Variants in DLGAP2 observed in about 807,000 individuals in gnomAD.
The protein encoded by DLGAP2 is DLG associated protein 2.
A neutral mutation model predicts 100.3 loss-of-function variants in DLGAP2; 26 were observed. The ratio of observed to expected loss-of-function variants is 0.26; its 90% CI spans 0.19 to 0.36. The LOEUF is 0.36. Among genes scored for constraint, DLGAP2 ranks in the 10% least tolerant of loss-of-function variants. The pLI is 1.00. For missense variants in DLGAP2, 1,858 were observed against 1,453.2 expected (o/e 1.28, Z -4.53); for synonymous variants, 886 against 630.1 (o/e 1.41, Z -6.08).
intron 2 of DLGAP2, among the ~76,000 whole-genome samples, chr8:1,240,035 G>A (rs1798750646): frequency 6.6e-6 from 1 of 151,290 alleles, no homozygotes; most frequent in Non-Finnish European, 1.5e-5. Flanking sequence ...ATGGCGCCGT[G>A]TCTAGTTCTC....
chr8:884,007 A>G (rs997287083), intron 1 of DLGAP2, among the ~76,000 whole-genome samples: 4 of 152,194 alleles, frequency 2.6e-5, no homozygotes, highest in Non-Finnish European at 5.9e-5. Flanking sequence ...TCCATGGTGT[A>G]TATGTACCAC....
At chr8:1,139,140 C>G (rs1284117788) in intron 2 of DLGAP2, among the ~76,000 whole-genome samples, 1 of 152,170 alleles carries the variant, frequency 6.6e-6, no homozygotes, top group African/African-American at 2.4e-5. Context: ...CCGCTGCGGC[C>G]TGGCTGGGGG....
chr8:1,276,120 A>G (rs1447251279), intron 3 of DLGAP2, among the ~76,000 whole-genome samples: 1 of 143,528 alleles, frequency 7.0e-6, no homozygotes, highest in Non-Finnish European at 1.5e-5. Flanking sequence ...TATATAATAT[A>G]TATAAATGTA....
intron 3 of DLGAP2, among the ~76,000 whole-genome samples, chr8:1,267,607 A>T (rs148454480): frequency 4.7e-5 from 5 of 106,648 alleles, no homozygotes; most frequent in South Asian, 2.7e-4. Context: ...ATAAGATAAG[A>T]TAAGATAAGA....
At chr8:1,539,911 C>A (rs1209354108) in intron 4 of DLGAP2, among the ~76,000 whole-genome samples, 1 of 152,214 alleles carries the variant, frequency 6.6e-6, no homozygotes, top group Non-Finnish European at 1.5e-5. Flanking sequence ...TCCTCAACAG[C>A]CAGGGAGACC....
intron 3 of DLGAP2, among the ~76,000 whole-genome samples, chr8:1,265,731 A>G (rs981644597): frequency 3.3e-5 from 5 of 152,188 alleles, no homozygotes; most frequent in African/African-American, 1.2e-4. Flanking sequence ...GATTTTCAGG[A>G]GAGTTTTCGT....
intron 2 of DLGAP2, among the ~76,000 whole-genome samples, chr8:1,206,865 C>T (rs1439058135): frequency 1.3e-5 from 2 of 152,174 alleles, no homozygotes; most frequent in Non-Finnish European, 1.5e-5. Context: ...CTATGTCAGC[C>T]TTCTCACGAT....
chr8:1,347,686 T>A (rs1801597826), intron 3 of DLGAP2, among the ~76,000 whole-genome samples: 2 of 150,302 alleles, frequency 1.3e-5, no homozygotes, highest in South Asian at 4.2e-4. Context: ...ATGGTAACTG[T>A]CTGGAGGCTG....
rs1181472200 is a variant in DLGAP2, at chr8:1,548,849, C to A, written c.396C>A (p.Arg132=). The change falls in exon 5 of 15, where the codon CGC becomes CGA. Residue 132 remains arginine (R), a synonymous_variant. Transcript: ENST00000637795. ...CCGCCGACAGCTGCCCCGGGGGGCG[C>A]CACCGCTGCTCGCCGCGCAGCTCGG... ...LSPADSCPGG[R]HRCSPRSSVH... is the part of the protein sequence containing the mutation. The A allele has an allele frequency of 1.3e-6, 2 of 1,581,200 alleles. No individual in the cohort carries two copies. The highest frequency in any genetic ancestry group is 1.3e-5 in the African/African-American group (1 of 74,566).
At chr8:1,497,197 T>C (rs1296070122) in intron 3 of DLGAP2, among the ~76,000 whole-genome samples, 1 of 152,216 alleles carries the variant, frequency 6.6e-6, no homozygotes. Context: ...GAATGGATGA[T>C]TCCCAAGACT....
chr8:1,278,991 C>A (rs541128957), intron 3 of DLGAP2, among the ~76,000 whole-genome samples: 2 of 152,206 alleles, frequency 1.3e-5, no homozygotes, highest in Admixed American at 1.3e-4. Context: ...GGATAAAGAA[C>A]ATATAGAAAA....
At chr8:1,528,543 C>A (rs908693706) in intron 4 of DLGAP2, among the ~76,000 whole-genome samples, 1 of 152,214 alleles carries the variant, frequency 6.6e-6, no homozygotes, top group African/African-American at 2.4e-5. Context: ...AGGGCCCACC[C>A]GGGGGCTGGC....
At chr8:962,826 AC>A in intron 2 of DLGAP2, among the ~76,000 whole-genome samples, 1 of 152,224 alleles carries the variant, frequency 6.6e-6, no homozygotes, top group East Asian at 1.9e-4. Context: ...CCCTCAGGTG[AC>A]AAGAGCCTTG....
chr8:1,581,491 A>G (rs1803255875), intron 6 of DLGAP2, among the ~76,000 whole-genome samples: 1 of 150,870 alleles, frequency 6.6e-6, no homozygotes, highest in Non-Finnish European at 1.5e-5. Context: ...CACCACAGTC[A>G]AACTACCAGA....
In DLGAP2 at chr8:883,615, C is replaced by G. The variant is rs139107761; in HGVS notation, c.19-24297C>G. 1.7e-3 allele frequency among the ~76,000 whole-genome samples: 256 copies of G among 146,738 alleles called. 1 individual carries two copies. The highest frequency in any genetic ancestry group is 4.9e-3 in the African/African-American group (182 of 37,296). On this transcript the variant is annotated intron_variant, in intron 1 of 14. Coordinates refer to ENST00000637795, the MANE Select transcript of DLGAP2 (RefSeq NM_001346810.2). ...TCGTTACATAGGAACGCGTGTGCCG[C>G]GGCGGTTCGTTACGTAGGAGCGCGG...
intron 3 of DLGAP2, among the ~76,000 whole-genome samples, chr8:1,345,342 C>T (rs1439372720): frequency 3.3e-5 from 5 of 150,542 alleles, no homozygotes; most frequent in Admixed American, 2.7e-4. Flanking sequence ...TCGCCAAACA[C>T]ACTTGTTAGA....
intron 2 of DLGAP2, among the ~76,000 whole-genome samples, chr8:1,107,052 C>T (rs771107850): frequency 6.6e-6 from 1 of 152,140 alleles, no homozygotes; most frequent in Admixed American, 6.5e-5. Context: ...AGTGTACTGA[C>T]AATGCATTTC....
At chr8:1,605,323 T>G (rs1796761218) in intron 6 of DLGAP2, among the ~76,000 whole-genome samples, 1 of 152,180 alleles carries the variant, frequency 6.6e-6, no homozygotes, top group Non-Finnish European at 1.5e-5. Context: ...ACCTACTTGA[T>G]TCGCACTTCC....
chr8:1,505,476 G>A (rs1799874221), intron 4 of DLGAP2, among the ~76,000 whole-genome samples: 1 of 152,172 alleles, frequency 6.6e-6, no homozygotes, highest in Non-Finnish European at 1.5e-5. Context: ...AGTGCCAGAT[G>A]AATTAATAAA....
Sources: gnomAD v4.1 joint callset for allele counts (sites outside exome capture counted in the v4.1 genomes callset) on GRCh38, gnomAD v4.1.1 for gene constraint, MANE v1.5 for transcripts, NCBI Gene and HGNC (gene_info 2026-07-23, HGNC 2026-07-21) for gene names.